The following ACSM2A variants were observed in gnomAD, a reference collection of about 807,000 sequenced individuals.
The protein encoded by ACSM2A is acyl-coenzyme A synthetase ACSM2A, mitochondrial.
In ACSM2A, 72 loss-of-function variants were observed where a neutral mutation model predicts 76.6. That is an observed-to-expected ratio of 0.94 (90% CI 0.78 to 1.14). The LOEUF (loss-of-function observed/expected upper bound fraction) is 1.14. Among genes scored for constraint, ACSM2A ranks in the 50% most tolerant of loss-of-function variants. The pLI, the probability that ACSM2A is intolerant of heterozygous loss-of-function variation, is 0.00. For missense variants in ACSM2A, 684 were observed against 708.5 expected (o/e 0.97, Z 0.39); for synonymous variants, 249 against 255.9 (o/e 0.97, Z 0.26).
Position 20,478,607 on chromosome 16 carries a change from C to T in ACSM2A, c.1211C>T (p.Pro404Leu), listed in dbSNP as rs201551733. ...IIDDKGNVLP[P>L]GTEGDIGIRV... ...GATGATAAGGGCAACGTCCTGCCCC[C>T]CGGCACAGAAGGAGACATTGGCATC... Residue 404 changes from proline (P) to leucine (L), a missense_variant, in exon 10 of 14, where the codon CCC (proline) becomes CTC (leucine). By Grantham distance (98) the Pro-to-Leu change is moderately conservative. Around this residue, in one of 3 missense-constraint regions of ACSM2A, gnomAD observed 519 missense variants for 549.5 expected, o/e 0.94. Coordinates refer to ENST00000573854, the MANE Select transcript of ACSM2A (RefSeq NM_001308172.2). 2.1e-4 allele frequency: 332 copies of T among 1,613,826 alleles called. No individual in the cohort carries two copies. Among genetic ancestry groups the T allele is most frequent in the Non-Finnish European group, 2.7e-4 (318 of 1,179,882 alleles).
chr16:20,481,368 C>G (rs1308871665), intron 12 of ACSM2A: 1 of 161,240 alleles, frequency 6.2e-6, no homozygotes, highest in Non-Finnish European at 1.4e-5. Context: ...TATATATACA[C>G]AATGGAATAC....
intron 1 of ACSM2A, chr16:20,452,376 A>G (rs1358025735): frequency 7.3e-5 from 10 of 137,142 alleles, no homozygotes. Flanking sequence ...GCACTTGAAC[A>G]TCAGACTCCA....
chr16:20,476,384 C>A (rs2013739135), intron 8 of ACSM2A: 1 of 985,694 alleles, frequency 1.0e-6, no homozygotes, highest in Non-Finnish European at 1.2e-6. Context: ...ACTTGTGACT[C>A]TCAGCACTTC....
At chr16:20,478,496 A>G (rs540313377) in intron 9 of ACSM2A, 80 bp from the exon 10 acceptor site, 25 of 1,520,658 alleles carry the variant, frequency 1.6e-5, no homozygotes, top group African/African-American at 5.5e-5. Flanking sequence ...CTTTCATTTG[A>G]CCAATTCAGC....
intron 2 of ACSM2A, among the ~76,000 whole-genome samples, chr16:20,462,974 C>T (rs1004677326): frequency 6.6e-6 from 1 of 150,580 alleles, no homozygotes; most frequent in African/African-American, 2.4e-5. Context: ...AGCAAACTAT[C>T]GCAAGGACAA....
In ACSM2A at chr16:20,471,689, G is replaced by A. The variant is rs1452815899; in HGVS notation, c.894G>A (p.Lys298=). ...AGTTTGACCCACTGGTTATTCTAAA[G>A]GTAAGAGAGGATCCAGTTTGCAGCA... is the stretch of plus-strand genomic sequence containing the variant. ...LPKFDPLVIL[K]TLSSYPIKSM... is the part of the protein sequence containing the mutation. The change falls in exon 6 of 14, where the codon AAG becomes AAA. Residue 298 remains lysine, a splice_region_variant and synonymous_variant. Coordinates refer to ENST00000573854, the MANE Select transcript of ACSM2A (RefSeq NM_001308172.2). 1.2e-6 allele frequency: 2 copies of A among 1,606,350 alleles called. No individual in the cohort carries two copies. Among genetic ancestry groups the A allele is most frequent in the Non-Finnish European group, 8.5e-7 (1 of 1,175,850 alleles).
In ACSM2A at chr16:20,471,209, G is replaced by A. The variant is rs1197928623; in HGVS notation, c.733G>A (p.Asp245Asn). The change falls in exon 5 of 14, where the codon GAT (aspartate) becomes AAT (asparagine). Residue 245 changes from aspartate to asparagine, a missense_variant. This residue lies in a region of ACSM2A where 519 missense variants were observed against 549.5 expected (regional missense o/e 0.94). Transcript: ENST00000573854. ...GAGCCTGGGCCTCAAGGCCAAGATG[G>A]ATGCTGGGTAAGCTGAGCTCTTTCT... ...YSSLGLKAKM[D>N]AGWTGLQASD... 9 of 1,609,296 alleles carry A rather than the reference G, an allele frequency of 5.6e-6. No individual in the cohort carries two copies. Among genetic ancestry groups the A allele is most frequent in the Admixed American group, 1.7e-5 (1 of 59,606 alleles).
At chr16:20,469,833 A>G (rs2013268793) in intron 4 of ACSM2A, 114 bp downstream of exon 4, 1 of 1,369,680 alleles carries the variant, frequency 7.3e-7, no homozygotes, top group East Asian at 2.5e-5. Context: ...GGGACTAGGA[A>G]GAGTGAAGCT....
At chr16:20,474,502 G>T (rs1295879165) in intron 6 of ACSM2A, among the ~76,000 whole-genome samples, 2 of 152,086 alleles carry the variant, frequency 1.3e-5, no homozygotes, top group Admixed American at 1.3e-4. Flanking sequence ...CTTGACCTTG[G>T]ACTTTCCAGC....
At chr16:20,478,451 G>C (rs2013882442) in intron 9 of ACSM2A, 125 bp from the exon 10 acceptor site, 1 of 1,106,306 alleles carries the variant, frequency 9.0e-7, no homozygotes, top group Admixed American at 2.7e-5. Context: ...CTGGCTTCTG[G>C]TTGTTGTTTT....
chr16:20,470,870 C>A (rs1410179417), intron 4 of ACSM2A: 2 of 781,424 alleles, frequency 2.6e-6, no homozygotes, highest in Admixed American at 2.0e-5. Context: ...GCATTGATAA[C>A]AAAGTGTGAA....
intron 1 of ACSM2A, among the ~76,000 whole-genome samples, chr16:20,456,670 C>T (rs963019254): frequency 6.8e-6 from 1 of 146,956 alleles, no homozygotes; most frequent in African/African-American, 2.6e-5. Flanking sequence ...GAGGTAAGTT[C>T]ATAGCCTTAA....
chr16:20,472,496 A>C (rs1035548161), intron 6 of ACSM2A, among the ~76,000 whole-genome samples: 1 of 152,128 alleles, frequency 6.6e-6, no homozygotes, highest in South Asian at 2.1e-4. Flanking sequence ...AAATACCATC[A>C]AGTTGAGGGT....
chr16:20,452,884 G>A (rs1025042573), intron 1 of ACSM2A, among the ~76,000 whole-genome samples: 3 of 152,006 alleles, frequency 2.0e-5, no homozygotes, highest in Non-Finnish European at 4.4e-5. Flanking sequence ...TTGCTCATGA[G>A]AGGCAAGGAG....
At chr16:20,456,764 A>G (rs2012181797) in intron 1 of ACSM2A, among the ~76,000 whole-genome samples, 1 of 149,674 alleles carries the variant, frequency 6.7e-6, no homozygotes, top group Non-Finnish European at 1.5e-5. Flanking sequence ...AGAACAAATC[A>G]AACCCAAACC....
intron 1 of ACSM2A, among the ~76,000 whole-genome samples, chr16:20,459,493 T>G (rs1322716444): frequency 6.6e-6 from 1 of 152,212 alleles, no homozygotes; most frequent in African/African-American, 2.4e-5. Context: ...GTCTGTGTGT[T>G]GCTAGTGGCC....
intron 5 of ACSM2A, 151 bp from the exon 6 acceptor site, chr16:20,471,385 A>C: frequency 6.8e-7 from 1 of 1,478,564 alleles, no homozygotes; most frequent in South Asian, 1.3e-5. Context: ...CCCCCTTCCT[A>C]CTTATACATA....
chr16:20,475,747 C>A lies in ACSM2A; in HGVS notation c.1072C>A (p.Arg358=), dbSNP rs148631132. Residue 358 remains arginine, a synonymous_variant, in exon 8 of 14, where the codon CGA becomes AGA. Transcript: ENST00000573854. ...NWRAQTGLDI[R]ESYGQTETGL... Reference sequence around the variant, plus strand: ...GAGGGCCCAGACAGGACTGGACATCCGAGAATCCTATGGCCAGACAGAAAC... The same window carrying A: ...GAGGGCCCAGACAGGACTGGACATCAGAGAATCCTATGGCCAGACAGAAAC... 1 of 1,613,946 alleles carries A rather than the reference C, an allele frequency of 6.2e-7. No homozygotes were observed. Among genetic ancestry groups the A allele is most frequent in the Non-Finnish European group, 8.5e-7 (1 of 1,179,894 alleles).
At chr16:20,467,589 A>G (rs2013087933) in intron 3 of ACSM2A, among the ~76,000 whole-genome samples, 1 of 152,140 alleles carries the variant, frequency 6.6e-6, no homozygotes, top group African/African-American at 2.4e-5. Flanking sequence ...GGGTTATTCA[A>G]AGGAGATGCG....
Sources: allele counts gnomAD v4.1 joint callset (sites outside exome capture counted in the v4.1 genomes callset), GRCh38; gene constraint gnomAD v4.1.1; regional missense constraint gnomAD v4.1.1; transcripts MANE v1.5; gene names NCBI Gene and HGNC (gene_info 2026-07-23, HGNC 2026-07-21).